UBE2F: variants seen among roughly 807,000 people sequenced by gnomAD.
The protein encoded by UBE2F is NEDD8-conjugating enzyme UBE2F.
In UBE2F, 5 loss-of-function variants were observed where a neutral mutation model predicts 29.6. The ratio of observed to expected loss-of-function variants is 0.17; its 90% CI spans 0.09 to 0.36. The LOEUF (loss-of-function observed/expected upper bound fraction) is 0.36. Ranked by LOEUF, UBE2F falls within the 10% of genes least tolerant of loss-of-function variation. The probability of loss-of-function intolerance (pLI) is 1.00; values close to 1 mark genes in which losing one functional copy is unlikely to be tolerated. For missense variants in UBE2F, 141 were observed against 228.5 expected, an observed-to-expected ratio of 0.62 and a Z score of 2.47; for synonymous variants, 66 against 81.8, an observed-to-expected ratio of 0.81 and a Z score of 1.04.
In UBE2F at chr2:237,991,611, T is replaced by TTCTTTC. The variant is rs1178346590; in HGVS notation, c.149-3132_149-3131insCTTTCT. ...CCTTTCTTTTCTTTTCTTTCTTTCTTTTTTTTTTTTTGAGACAGTCTTGCT... is the reference window on the plus strand; with the variant it reads ...CCTTTCTTTTCTTTTCTTTCTTTCTTTCTTTCTTTTTTTTTTTGAGACAGTCTTGCT... On this transcript the variant is annotated intron_variant, in intron 3 of 9. Transcript: ENST00000272930. 4.4e-4 allele frequency among the ~76,000 whole-genome samples: 48 copies of TTCTTTC among 108,494 alleles called. 2 individuals are homozygous for TTCTTTC. In the East Asian group the frequency reaches 0.014, roughly 32 times the overall value. 71.2% of individuals were successfully genotyped at this position (108,494 alleles called of 152,430 possible).
rs1356794732 is a variant in UBE2F, at chr2:237,982,446, A to T, written c.119-5517A>T. Reference sequence around the variant, plus strand: ...TCCTCTTGAACCTTTTGCTTGTGTCATGCTGGCCCCTCTGCTTGCAATCCA... The same window carrying T: ...TCCTCTTGAACCTTTTGCTTGTGTCTTGCTGGCCCCTCTGCTTGCAATCCA... On this transcript the variant is annotated intron_variant, in intron 2 of 9. Coordinates refer to ENST00000272930, the MANE Select transcript of UBE2F (RefSeq NM_080678.3). This position sits in a 1 kb window ranked among gnomAD's most constrained non-coding sequence, Gnocchi z 4.1. 6.6e-6 allele frequency among the ~76,000 whole-genome samples: 1 copy of T among 151,990 alleles called. No homozygotes were observed. Among genetic ancestry groups the T allele is most frequent in the Non-Finnish European group, 1.5e-5 (1 of 68,006 alleles).
In UBE2F at chr2:238,035,871, T is replaced by C; in HGVS notation, c.445-7T>C. The C allele has an allele frequency of 6.2e-7, 1 of 1,610,636 alleles. No homozygotes were observed. The highest frequency in any genetic ancestry group is 8.5e-7 in the Non-Finnish European group (1 of 1,178,464). ...CAATGTTTACTTTAAGTTTCTCTCT[T>C]TTTAAGGATCTTTTGAATTTTGATG... On this transcript the variant is annotated splice_polypyrimidine_tract_variant and splice_region_variant and intron_variant, in intron 8 of 9. Transcript: ENST00000272930.
At chr2:238,019,025 G>C (rs973598784) in intron 5 of UBE2F, among the ~76,000 whole-genome samples, 2 of 152,120 alleles carry the variant, frequency 1.3e-5, no homozygotes, top group East Asian at 3.9e-4. Context: ...AGGTGGAGGG[G>C]TAAGGCTTAA....
At chr2:237,976,933 G>A (rs1358584078) in intron 2 of UBE2F, among the ~76,000 whole-genome samples, 2 of 152,126 alleles carry the variant, frequency 1.3e-5, no homozygotes, top group Admixed American at 1.3e-4. Flanking sequence ...CACATACTGG[G>A]GTAGGACAGG....
At chr2:237,973,343 T>A (rs2063212562) in intron 2 of UBE2F, 118 bp downstream of exon 2, 7 of 1,181,418 alleles carry the variant, frequency 5.9e-6, no homozygotes, top group Non-Finnish European at 3.6e-6. Context: ...TTAAAAGATT[T>A]TAAAATATAA....
In UBE2F at chr2:237,983,712, T is replaced by A. The variant is rs117557726; in HGVS notation, c.119-4251T>A. Among the ~76,000 whole-genome samples the A allele has an allele frequency of 1.1e-4, 17 of 152,298 alleles. No homozygotes were observed. The East Asian group carries it at 3.1e-3, about 28-fold the overall frequency. On this transcript the variant is annotated intron_variant, in intron 2 of 9. Transcript: ENST00000272930. ...TCACATTTGCGTCTTCACTTCGTACTCTGGGTTCCATCTCTCTTCCTGCTT... is the reference window on the plus strand; with the variant it reads ...TCACATTTGCGTCTTCACTTCGTACACTGGGTTCCATCTCTCTTCCTGCTT...
At position 237,969,876 on chromosome 2, in the gene UBE2F, T is replaced by C. The variant is rs574922523; in HGVS notation, c.-17+2744T>C. 9.8e-5 allele frequency among the ~76,000 whole-genome samples: 15 copies of C among 152,324 alleles called. No homozygotes were observed. The East Asian group carries it at 2.7e-3, about 27-fold the overall frequency. On this transcript the variant is annotated intron_variant, in intron 1 of 9. Transcript: ENST00000272930. Reference sequence around the variant, plus strand: ...TCAGCTGAACCCAGCTGCTTTGCTCTGGGCGAAGCTGTGAAGATGTGCTCT... The same window carrying C: ...TCAGCTGAACCCAGCTGCTTTGCTCCGGGCGAAGCTGTGAAGATGTGCTCT...
chr2:237,997,233 AAAAT>A (rs1408013029), intron 4 of UBE2F, among the ~76,000 whole-genome samples: 5 of 152,200 alleles, frequency 3.3e-5, no homozygotes, highest in Non-Finnish European at 7.3e-5. Context: ...AAAAATAAAA[AAAAT>A]AAATAAAAAG....
In UBE2F at chr2:238,041,561, G is replaced by A; in HGVS notation, c.*223G>A. On this transcript the variant is annotated 3_prime_UTR_variant, in exon 10 of 10. Transcript: ENST00000272930. ...AAGAAAATGTGTTTGGGCTTCTGAAGAGTTGTCTGCTTACCTTAACATGTT... is the reference window on the plus strand; with the variant it reads ...AAGAAAATGTGTTTGGGCTTCTGAAAAGTTGTCTGCTTACCTTAACATGTT... The A allele has an allele frequency of 1.9e-6, 1 of 517,164 alleles. No homozygotes were observed. Among genetic ancestry groups the A allele is most frequent in the African/African-American group, 1.9e-5 (1 of 52,222 alleles). The allele number at this position is 517,164 out of a possible 1,614,324, so 32.0% of individuals were successfully genotyped here.
intron 3 of UBE2F, chr2:237,990,543 C>T (rs1442704642): frequency 6.9e-6 from 2 of 287,772 alleles, no homozygotes; most frequent in South Asian, 2.8e-5. Context: ...GCTGAGACCT[C>T]AGACCTCAGG....
chr2:238,002,875 A>G (rs1020830704), intron 4 of UBE2F, among the ~76,000 whole-genome samples: 1 of 150,148 alleles, frequency 6.7e-6, no homozygotes, highest in Non-Finnish European at 1.5e-5. Flanking sequence ...CAAGTGATCC[A>G]TCTGCCTTGG....
At position 237,972,551 on chromosome 2, in the gene UBE2F, T is replaced by A. The variant is rs1040280191; in HGVS notation, c.-16-541T>A. On this transcript the variant is annotated intron_variant, in intron 1 of 9. Transcript: ENST00000272930. ...TCTTTTTAATTTTAAATTTTTTTTTTTTTTTTTTTTTTTTTTTGAGACAGG... is the reference window on the plus strand; with the variant it reads ...TCTTTTTAATTTTAAATTTTTTTTTATTTTTTTTTTTTTTTTTGAGACAGG... Among the ~76,000 whole-genome samples, 552 of 144,210 alleles carry A rather than the reference T, an allele frequency of 3.8e-3. 8 individuals carry two copies. Among genetic ancestry groups the A allele is most frequent in the African/African-American group, 0.012 (466 of 39,062 alleles). 94.6% of individuals were successfully genotyped at this position (144,210 alleles called of 152,430 possible).
intron 6 of UBE2F, 114 bp from the exon 7 acceptor site, chr2:238,030,442 T>A: frequency 1.4e-6 from 1 of 699,484 alleles, no homozygotes. Context: ...GAGGAAAAGA[T>A]GGGTTTAATA....
intron 5 of UBE2F, among the ~76,000 whole-genome samples, chr2:238,020,185 C>G (rs1430753348): frequency 6.6e-6 from 1 of 152,142 alleles, no homozygotes; most frequent in South Asian, 2.1e-4. Flanking sequence ...GGCTGTGAGC[C>G]CTGAGGGAGT....
intron 6 of UBE2F, 115 bp from the exon 7 acceptor site, chr2:238,030,441 A>T: frequency 1.4e-6 from 1 of 696,866 alleles, no homozygotes; most frequent in Non-Finnish European, 2.5e-6. Context: ...AGAGGAAAAG[A>T]TGGGTTTAAT....
chr2:237,973,991 G>T, intron 2 of UBE2F, among the ~76,000 whole-genome samples: 1 of 152,104 alleles, frequency 6.6e-6, no homozygotes, highest in Non-Finnish European at 1.5e-5. Context: ...AGTTAACTTT[G>T]TATTTTATTT....
chr2:238,024,590 C>T (rs1045637889), intron 5 of UBE2F, among the ~76,000 whole-genome samples: 2 of 152,136 alleles, frequency 1.3e-5, no homozygotes, highest in African/African-American at 2.4e-5. Flanking sequence ...GCAATCCTCC[C>T]ACCTCGACCT....
intron 2 of UBE2F, among the ~76,000 whole-genome samples, chr2:237,976,954 G>T (rs188372177): frequency 6.6e-6 from 1 of 152,236 alleles, no homozygotes; most frequent in East Asian, 1.9e-4. Flanking sequence ...CTCTGTGGGG[G>T]CAGATGCGAC....
chr2:238,038,923 G>A (rs1304823424), intron 9 of UBE2F, among the ~76,000 whole-genome samples: 1 of 152,246 alleles, frequency 6.6e-6, no homozygotes, highest in African/African-American at 2.4e-5. Flanking sequence ...CATTCCGGCA[G>A]GAGGAGGCGG....
Sources: allele counts gnomAD v4.1 joint callset (sites outside exome capture counted in the v4.1 genomes callset), GRCh38; gene constraint gnomAD v4.1.1; non-coding constraint Gnocchi (gnomAD v3.1); transcripts MANE v1.5; gene names NCBI Gene and HGNC (gene_info 2026-07-23, HGNC 2026-07-21).